Variants in OXR1 observed in about 807,000 individuals in gnomAD.
OXR1 encodes the protein oxidation resistance protein 1.
In OXR1, 41 loss-of-function variants were observed where a neutral mutation model predicts 104.6. That is an observed-to-expected ratio of 0.39 (90% CI 0.31 to 0.51). The LOEUF is 0.51. Ranked by LOEUF, OXR1 falls within the 20% of genes least tolerant of loss-of-function variation. OXR1 has a pLI of 0.77. For missense variants in OXR1, 955 were observed against 1,031.9 expected, an observed-to-expected ratio of 0.93 and a Z score of 1.02; for synonymous variants, 348 against 348.4, an observed-to-expected ratio of 1.00 and a Z score of 0.01.
At chr8:106,476,722 C>T (rs892883725) in intron 2 of OXR1, among the ~76,000 whole-genome samples, 5 of 151,892 alleles carry the variant, frequency 3.3e-5, no homozygotes, top group African/African-American at 1.2e-4. Context: ...GCTGTTTCTC[C>T]TGTTGTCCTG....
Position 106,331,667 on chromosome 8 carries a change from C to T in OXR1, c.-138-27809C>T, listed in dbSNP as rs796148479. Among the ~76,000 whole-genome samples, 110 of 152,054 alleles carry T rather than the reference C, an allele frequency of 7.2e-4. 1 individual carries two copies. Among genetic ancestry groups the T allele is most frequent in the African/African-American group, 2.5e-3 (102 of 41,492 alleles). On this transcript the variant is annotated intron_variant, in intron 1 of 16. Coordinates refer to ENST00000517566, the MANE Select transcript of OXR1 (RefSeq NM_001198533.2). ...AAGATAATTCTTTTGAGGCCAGGTG[C>T]GGTGGCTCACACCTGTAATCCCAGC... is the stretch of plus-strand genomic sequence containing the variant.
chr8:106,426,728 C>T (rs1392043060), intron 2 of OXR1, among the ~76,000 whole-genome samples: 1 of 152,056 alleles, frequency 6.6e-6, no homozygotes, highest in African/African-American at 2.4e-5. Flanking sequence ...ATGATAGTAC[C>T]TATCTCACAG....
At chr8:106,461,709 T>C (rs1249628913) in intron 2 of OXR1, among the ~76,000 whole-genome samples, 1 of 152,168 alleles carries the variant, frequency 6.6e-6, no homozygotes, top group East Asian at 1.9e-4. Context: ...AAATTGACAA[T>C]AATATTACCT....
chr8:106,390,098 C>A (rs1817534157), intron 2 of OXR1, among the ~76,000 whole-genome samples: 1 of 151,994 alleles, frequency 6.6e-6, no homozygotes, highest in Admixed American at 6.6e-5. Flanking sequence ...ATGAAAGTAG[C>A]AATTTCATGA....
At chr8:106,706,103 T>C (rs571350615) in intron 8 of OXR1, among the ~76,000 whole-genome samples, 1 of 152,140 alleles carries the variant, frequency 6.6e-6, no homozygotes, top group African/African-American at 2.4e-5. Flanking sequence ...TCCCTTCAAG[T>C]GGATTACTTG....
chr8:106,278,368 C>A (rs1246829802), intron 1 of OXR1, among the ~76,000 whole-genome samples: 3 of 151,994 alleles, frequency 2.0e-5, no homozygotes, highest in Non-Finnish European at 4.4e-5. Context: ...TCCTTTGTTC[C>A]TGGCTTACCT....
chr8:106,401,393 T>C lies in OXR1; in HGVS notation c.23+41757T>C, dbSNP rs143666117. Among the ~76,000 whole-genome samples, 1,158 of 152,296 alleles carry C rather than the reference T, an allele frequency of 7.6e-3. 19 individuals carry two copies. Among genetic ancestry groups the C allele is most frequent in the African/African-American group, 0.026 (1,098 of 41,550 alleles). ...TCGGTGTCTACTAAGGCCTGGTAAC[T>C]GTTTCTCAAAAACAGAGTAGTTATC... On this transcript the variant is annotated intron_variant, in intron 2 of 16. Coordinates refer to ENST00000517566, the MANE Select transcript of OXR1 (RefSeq NM_001198533.2).
At chr8:106,573,891 G>T (rs1417024562) in intron 3 of OXR1, among the ~76,000 whole-genome samples, 2 of 148,580 alleles carry the variant, frequency 1.3e-5, no homozygotes, top group Non-Finnish European at 3.0e-5. Context: ...GGGCCATGTG[G>T]CATTTAATGG....
intron 3 of OXR1, among the ~76,000 whole-genome samples, chr8:106,574,445 C>G (rs1817686598): frequency 6.6e-6 from 1 of 152,172 alleles, no homozygotes; most frequent in South Asian, 2.1e-4. Flanking sequence ...AAACATGACC[C>G]AAATGTTGCC....
intron 1 of OXR1, among the ~76,000 whole-genome samples, chr8:106,335,015 C>T (rs1161772526): frequency 7.3e-6 from 1 of 136,670 alleles, no homozygotes; most frequent in Non-Finnish European, 1.5e-5. Context: ...TCACATCAGA[C>T]ACATACATTG....
chr8:106,482,498 C>T (rs528196054), intron 2 of OXR1, among the ~76,000 whole-genome samples: 114 of 151,608 alleles, frequency 7.5e-4, no homozygotes, highest in African/African-American at 2.3e-3. Flanking sequence ...ATTTTCTGAA[C>T]GACTATTTCT....
At chr8:106,318,192 T>A (rs991655716) in intron 1 of OXR1, among the ~76,000 whole-genome samples, 1 of 152,172 alleles carries the variant, frequency 6.6e-6, no homozygotes, top group African/African-American at 2.4e-5. Context: ...GTTATTTGAG[T>A]GTAAACACGT....
chr8:106,357,611 T>C (rs1816028612), intron 1 of OXR1, among the ~76,000 whole-genome samples: 1 of 151,810 alleles, frequency 6.6e-6, no homozygotes, highest in Non-Finnish European at 1.5e-5. Context: ...TTTAAAAATA[T>C]GATGGCCTCT....
At chr8:106,618,255 G>A (rs1304289619) in intron 3 of OXR1, 2 of 1,188,750 alleles carry the variant, frequency 1.7e-6, no homozygotes, top group Admixed American at 2.0e-5. Context: ...GACATTAAAG[G>A]GCACACTTTA....
intron 2 of OXR1, among the ~76,000 whole-genome samples, chr8:106,368,156 G>C (rs948463639): frequency 1.3e-5 from 2 of 152,074 alleles, no homozygotes; most frequent in Non-Finnish European, 2.9e-5. Flanking sequence ...GACATGATCT[G>C]ATTTCTAAAT....
intron 4 of OXR1, among the ~76,000 whole-genome samples, chr8:106,679,678 A>G (rs776933): frequency 0.61 from 91,939 of 151,788 alleles, 28,709 homozygotes; most frequent in African/African-American, 0.76. Context: ...AAAAGTTGAT[A>G]TTAATCTTCC....
At chr8:106,658,022 G>A (rs1253680361) in intron 3 of OXR1, 2 of 1,248,508 alleles carry the variant, frequency 1.6e-6, no homozygotes, top group Non-Finnish European at 2.0e-6. Flanking sequence ...AGAAGAGTGG[G>A]CGCCTTCTGC....
At chr8:106,645,106 G>A (rs1421657704) in intron 3 of OXR1, among the ~76,000 whole-genome samples, 1 of 152,084 alleles carries the variant, frequency 6.6e-6, no homozygotes, top group Non-Finnish European at 1.5e-5. Context: ...ACTACATAAT[G>A]TATAGGCTCT....
chr8:106,334,396 AC>A (rs938573968), intron 1 of OXR1, among the ~76,000 whole-genome samples: 11 of 152,024 alleles, frequency 7.2e-5, no homozygotes, highest in African/African-American at 2.4e-4. Context: ...AAGTATTTTT[AC>A]TTTTTCCTCT....
Sources: allele counts gnomAD v4.1 joint callset (sites outside exome capture counted in the v4.1 genomes callset), GRCh38; gene constraint gnomAD v4.1.1; transcripts MANE v1.5; gene names NCBI Gene and HGNC (gene_info 2026-07-23, HGNC 2026-07-21).